Variants in MEAF6 observed in about 807,000 individuals in gnomAD.
MEAF6 encodes the protein MYST/Esa1 associated factor 6, also known as chromatin modification-related protein MEAF6.
Under a neutral mutation model 28.9 loss-of-function variants are expected in MEAF6, and 15 were observed. The observed-to-expected ratio is 0.52, with a 90% CI of 0.35 to 0.80. MEAF6 has a LOEUF of 0.80. Among genes scored for constraint, MEAF6 ranks in the 30% least tolerant of loss-of-function variants. MEAF6 has a pLI of 0.01. For missense variants in MEAF6, 178 were observed against 237.5 expected (o/e 0.75, Z 1.65); for synonymous variants, 97 against 88.7 (o/e 1.09, Z -0.53).
At position 37,490,289 on chromosome 1, in the gene MEAF6, A is replaced by G. The variant is rs186350630; in HGVS notation, c.*3810T>C. ...CCACGGAAGCAGTTTTTCAAAGTGA[A>G]AACTGTTTCAAATCACGAAGCTTAC... On this transcript the variant is annotated 3_prime_UTR_variant, in exon 7 of 7. Transcript: ENST00000296214. 6.6e-6 allele frequency among the ~76,000 whole-genome samples: 1 copy of G among 152,214 alleles called. No homozygotes were observed. Among genetic ancestry groups the G allele is most frequent in the East Asian group, 1.9e-4 (1 of 5,156 alleles).
chr1:37,504,436 G>A (rs12143447), intron 4 of MEAF6, among the ~76,000 whole-genome samples: 8,022 of 152,086 alleles, frequency 0.053, 264 homozygotes, highest in South Asian at 0.14. Context: ...ATGAGTGAGG[G>A]AAGACTTTCA....
In MEAF6 at chr1:37,509,272, A is replaced by G. The variant is rs773938117; in HGVS notation, c.340+6T>C. 1 of 1,613,264 alleles carries G rather than the reference A, an allele frequency of 6.2e-7. No homozygotes were observed. Among genetic ancestry groups the G allele is most frequent in the Non-Finnish European group, 8.5e-7 (1 of 1,179,352 alleles). On this transcript the variant is annotated splice_donor_region_variant and intron_variant, in intron 4 of 6. Transcript: ENST00000296214. Reference sequence around the variant, plus strand: ...ACTGATGAGAAACATAAAAACATCAACTTACTCTTTTCAATGAGCTGGTCC... The same window carrying G: ...ACTGATGAGAAACATAAAAACATCAGCTTACTCTTTTCAATGAGCTGGTCC...
Position 37,501,927 on chromosome 1 carries a change from T to A in MEAF6, c.410A>T (p.Gln137Leu), listed in dbSNP as rs1473698890. 1.2e-6 allele frequency: 2 copies of A among 1,611,038 alleles called. No individual in the cohort carries two copies. The highest frequency in any genetic ancestry group is 1.7e-6 in the Non-Finnish European group (2 of 1,177,640). ...TCCATCCAGATCCTCAGGGTCCTCC[T>A]GGCTGGGCTCATTTTCCTGATTGTG... is the stretch of plus-strand genomic sequence containing the variant. ...DFHNQENEPS[Q>L]EDPEDLDGSV... Residue 137 changes from glutamine to leucine, a missense_variant, in exon 5 of 7, where the codon CAG becomes CTG. Physicochemically the swap from Gln to Leu is moderately radical, Grantham distance 113. Transcript: ENST00000296214.
intron 5 of MEAF6, 114 bp from the exon 6 acceptor site, chr1:37,496,032 C>A: frequency 1.2e-6 from 1 of 837,086 alleles, no homozygotes; most frequent in Non-Finnish European, 2.0e-6. Flanking sequence ...TAAGAAAAAT[C>A]CACATTCTTC....
intron 5 of MEAF6, chr1:37,496,566 T>C: frequency 7.0e-7 from 1 of 1,431,396 alleles, no homozygotes; most frequent in Non-Finnish European, 9.2e-7. Context: ...GTTTTTCTGT[T>C]TTTAAAAAAA....
Position 37,490,940 on chromosome 1 carries a change from T to TTGCTTGAACCCTGGAGGCGG in MEAF6, c.*3139_*3158dup, listed in dbSNP as rs968699303. Among the ~76,000 whole-genome samples the TTGCTTGAACCCTGGAGGCGG allele has an allele frequency of 6.6e-6, 1 of 152,126 alleles. No individual in the cohort carries two copies. Among genetic ancestry groups the TTGCTTGAACCCTGGAGGCGG allele is most frequent in the Non-Finnish European group, 1.5e-5 (1 of 68,032 alleles). On this transcript the variant is annotated 3_prime_UTR_variant, in exon 7 of 7. Coordinates refer to ENST00000296214, the MANE Select transcript of MEAF6 (RefSeq NM_001270875.3). ...TACTCGAGAGGCTGAGGCGGAATAA[T>TTGCTTGAACCCTGGAGGCGG]TGCTTGAACCCTGGAGGCGGAGGTA...
chr1:37,505,865 G>C (rs374537212), intron 4 of MEAF6, among the ~76,000 whole-genome samples: 1 of 152,252 alleles, frequency 6.6e-6, no homozygotes. Flanking sequence ...AATGGTGCTG[G>C]AACAACTAGA....
intron 4 of MEAF6, 37 bp from the exon 5 acceptor site, chr1:37,502,033 T>C (rs752166796): frequency 2.6e-6 from 4 of 1,529,004 alleles, no homozygotes; most frequent in Non-Finnish European, 3.6e-6. Context: ...AAATGCATCA[T>C]CAGTACTCCT....
At chr1:37,502,309 C>T in intron 4 of MEAF6, among the ~76,000 whole-genome samples, 1 of 152,176 alleles carries the variant, frequency 6.6e-6, no homozygotes, top group East Asian at 1.9e-4. Context: ...CACTTGGCCT[C>T]AAACCATCCT....
At chr1:37,494,462 C>A (rs188281641) in intron 6 of MEAF6, among the ~76,000 whole-genome samples, 18 of 146,568 alleles carry the variant, frequency 1.2e-4, no homozygotes, top group Admixed American at 2.8e-4. Context: ...TTGCAGTGAG[C>A]CAAGATCGCG....
intron 4 of MEAF6, among the ~76,000 whole-genome samples, chr1:37,504,200 G>T (rs74383070): frequency 6.6e-6 from 1 of 152,112 alleles, no homozygotes; most frequent in South Asian, 2.1e-4. Flanking sequence ...TGTGAAGAAG[G>T]TGCTTGCTTC....
intron 5 of MEAF6, 35 bp from the exon 6 acceptor site, chr1:37,495,953 A>C (rs1335555759): frequency 1.9e-6 from 3 of 1,586,282 alleles, no homozygotes; most frequent in South Asian, 2.2e-5. Flanking sequence ...TTTCCATTTT[A>C]ATTTACAGAA....
rs763704851 is a variant in MEAF6, at chr1:37,491,695, T to TC, written c.*2403dup. On this transcript the variant is annotated 3_prime_UTR_variant, in exon 7 of 7. Transcript: ENST00000296214. The stretch of plus-strand genomic sequence containing the variant: ...GCCTGGGTGACAGAGCAAGATCCTG[T>TC]CAATAAATAAATAAATAAATAAATA... 6.4e-4 allele frequency among the ~76,000 whole-genome samples: 85 copies of TC among 133,526 alleles called. No homozygotes were observed. The highest frequency in any genetic ancestry group is 1.9e-3 in the East Asian group (9 of 4,718). The allele number at this position is 133,526 out of a possible 152,430, so 87.6% of individuals were successfully genotyped here.
In MEAF6 at chr1:37,503,128, G is replaced by T. The variant is rs1188454601; in HGVS notation, c.341-1132C>A. Among the ~76,000 whole-genome samples, 5 of 151,280 alleles carry T rather than the reference G, an allele frequency of 3.3e-5. 1 individual carries two copies. The highest frequency in any genetic ancestry group is 7.3e-5 in the African/African-American group (3 of 41,114). ...TGGATACTTTTTTTTTTAAAGATGG[G>T]GTCTTACTATGTTGCCCAGGCTGGT... On this transcript the variant is annotated intron_variant, in intron 4 of 6. Coordinates refer to ENST00000296214, the MANE Select transcript of MEAF6 (RefSeq NM_001270875.3).
intron 1 of MEAF6, chr1:37,514,347 T>A: frequency 1.0e-5 from 1 of 97,848 alleles, no homozygotes; most frequent in Non-Finnish European, 1.9e-5. Flanking sequence ...CGCGGCTCAC[T>A]GACGCTCGCC....
chr1:37,494,692 G>A (rs1642056433), intron 6 of MEAF6, among the ~76,000 whole-genome samples: 1 of 151,568 alleles, frequency 6.6e-6, no homozygotes, highest in Admixed American at 6.6e-5. Context: ...TTAGCCAGGT[G>A]TGGTGGCTCA....
At chr1:37,502,083 A>C (rs1158848853) in intron 4 of MEAF6, 87 bp from the exon 5 acceptor site, 5 of 1,097,046 alleles carry the variant, frequency 4.6e-6, no homozygotes, top group East Asian at 2.5e-5. Flanking sequence ...AATAGGTAGA[A>C]AAAAACCATT....
intron 4 of MEAF6, among the ~76,000 whole-genome samples, chr1:37,507,346 AAGTC>A: frequency 6.6e-6 from 1 of 151,946 alleles, no homozygotes; most frequent in Non-Finnish European, 1.5e-5. Flanking sequence ...AAAGAAAACT[AAGTC>A]AGATATCATT....
intron 1 of MEAF6, chr1:37,514,197 T>C (rs924212931): frequency 2.5e-5 from 4 of 160,608 alleles, no homozygotes; most frequent in Non-Finnish European, 5.4e-5. Context: ...ATTCAACGGA[T>C]CTACTCCCAG....
Sources: gnomAD v4.1 joint callset for allele counts (sites outside exome capture counted in the v4.1 genomes callset) on GRCh38, gnomAD v4.1.1 for gene constraint, MANE v1.5 for transcripts, NCBI Gene and HGNC (gene_info 2026-07-23, HGNC 2026-07-21) for gene names.